Variants in SDC2 observed in about 807,000 individuals in gnomAD.
SDC2 encodes the protein syndecan-2.
A neutral mutation model predicts 22.2 loss-of-function variants in SDC2; 13 were observed. The ratio of observed to expected loss-of-function variants is 0.59; its 90% CI spans 0.38 to 0.93. SDC2 has a LOEUF of 0.93. Among genes scored for constraint, SDC2 ranks in the 40% least tolerant of loss-of-function variants. The pLI, the probability that SDC2 is intolerant of heterozygous loss-of-function variation, is 0.00. For synonymous variants in SDC2, 94 were observed against 92.8 expected, an observed-to-expected ratio of 1.01 and a Z score of -0.07; for missense variants, 235 against 246.8, an observed-to-expected ratio of 0.95 and a Z score of 0.32.
intron 1 of SDC2, chr8:96,538,660 G>A (rs1011874972): frequency 6.6e-6 from 1 of 152,224 alleles, no homozygotes; most frequent in East Asian, 1.9e-4. Flanking sequence ...AGTTTCCATG[G>A]CAACTTCTTC....
At chr8:96,534,625 C>T (rs1468697236) in intron 1 of SDC2, among the ~76,000 whole-genome samples, 1 of 151,800 alleles carries the variant, frequency 6.6e-6, no homozygotes, top group Non-Finnish European at 1.5e-5. Context: ...TTTGTAGAGA[C>T]GAGGGCTCGT....
intron 1 of SDC2, among the ~76,000 whole-genome samples, chr8:96,504,703 CAT>C (rs1294930344): frequency 2.0e-5 from 3 of 152,104 alleles, no homozygotes; most frequent in Non-Finnish European, 1.5e-5. Context: ...AATATATACG[CAT>C]ATGTTTTGTG....
intron 1 of SDC2, among the ~76,000 whole-genome samples, chr8:96,590,807 T>G (rs1586318665): frequency 6.6e-6 from 1 of 152,240 alleles, no homozygotes; most frequent in South Asian, 2.1e-4. Context: ...TTCAAAATTA[T>G]TTTCACCACC....
At chr8:96,521,570 G>C (rs547521868) in intron 1 of SDC2, among the ~76,000 whole-genome samples, 1 of 152,304 alleles carries the variant, frequency 6.6e-6, no homozygotes, top group African/African-American at 2.4e-5. Context: ...AGTGTGTGAG[G>C]TCTTTGAGCC....
intron 2 of SDC2, among the ~76,000 whole-genome samples, chr8:96,601,690 A>T (rs1437017128): frequency 6.6e-6 from 1 of 151,528 alleles, no homozygotes. Flanking sequence ...GAGAGAGGGC[A>T]AGGAACTCAC....
rs1450924489 is a variant in SDC2 at position 96,610,162 on chromosome 8, T to C, written c.*614T>C. ...CTTTATTTTTCATTACCTGTAGCTT[T>C]GGGCAGATTTGCAACAGCAAATTAA... is the stretch of plus-strand genomic sequence containing the variant. On this transcript the variant is annotated 3_prime_UTR_variant, in exon 5 of 5. Transcript: ENST00000302190. 1 of 152,662 alleles carries C rather than the reference T, an allele frequency of 6.6e-6. No individual in the cohort carries two copies. The highest frequency in any genetic ancestry group is 6.5e-5 in the Admixed American group (1 of 15,288). 9.5% of individuals were successfully genotyped at this position (152,662 alleles called of 1,614,324 possible). A position where few individuals can be genotyped will look rare whatever the true frequency, so the allele number is the denominator to read the frequency against.
In SDC2 at chr8:96,572,306, A is replaced by G. The variant is rs555051049; in HGVS notation, c.61-21174A>G. Among the ~76,000 whole-genome samples the G allele has an allele frequency of 1.6e-3, 237 of 152,320 alleles. 1 individual carries two copies. The highest frequency in any genetic ancestry group is 6.8e-3 in the Middle Eastern group (2 of 294). ...ACCTAAAATCTTTCATCTTATGGAA[A>G]GTTTTTTTGGGCTTTGAAACATCTC... On this transcript the variant is annotated intron_variant, in intron 1 of 4. Transcript: ENST00000302190.
At chr8:96,584,753 G>A (rs1053842678) in intron 1 of SDC2, among the ~76,000 whole-genome samples, 4 of 152,194 alleles carry the variant, frequency 2.6e-5, no homozygotes, top group Non-Finnish European at 5.9e-5. Context: ...TAATAACATG[G>A]CTGCAAACCT....
intron 2 of SDC2, among the ~76,000 whole-genome samples, chr8:96,595,375 A>G (rs889345544): frequency 7.9e-5 from 12 of 152,234 alleles, no homozygotes; most frequent in African/African-American, 2.9e-4. Context: ...TGAGCTTACA[A>G]TGCAGTCCTA....
chr8:96,558,491 G>A (rs2130555847), intron 1 of SDC2, among the ~76,000 whole-genome samples: 1 of 152,236 alleles, frequency 6.6e-6, no homozygotes, highest in East Asian at 1.9e-4. Context: ...ATAGTCTTAA[G>A]GTTCTCATAA....
chr8:96,512,049 T>C (rs183040041), intron 1 of SDC2, among the ~76,000 whole-genome samples: 92 of 152,336 alleles, frequency 6.0e-4, no homozygotes, highest in Non-Finnish European at 1.1e-3. Flanking sequence ...CCATCCATAC[T>C]GTCTCCCAGC....
chr8:96,524,955 G>C (rs528039225), intron 1 of SDC2, among the ~76,000 whole-genome samples: 7 of 152,264 alleles, frequency 4.6e-5, no homozygotes, highest in African/African-American at 1.4e-4. Context: ...CAGTTTGAGT[G>C]AGACAAGACT....
intron 1 of SDC2, among the ~76,000 whole-genome samples, chr8:96,537,736 G>A (rs1387726505): frequency 6.6e-6 from 1 of 152,182 alleles, no homozygotes; most frequent in Non-Finnish European, 1.5e-5. Context: ...CCATGAATAT[G>A]AAGGATAACT....
chr8:96,547,720 A>G (rs1357231256), intron 1 of SDC2, among the ~76,000 whole-genome samples: 1 of 150,888 alleles, frequency 6.6e-6, no homozygotes, highest in Non-Finnish European at 1.5e-5. Context: ...TTGACTTGGT[A>G]TGGATCCTTG....
intron 1 of SDC2, among the ~76,000 whole-genome samples, chr8:96,573,252 C>T (rs1814426775): frequency 5.4e-5 from 1 of 18,526 alleles, no homozygotes; most frequent in South Asian, 1.5e-3. Context: ...AGTTTTAGTC[C>T]AGGTGTCTGA....
chr8:96,556,942 A>G lies in SDC2; in HGVS notation c.61-36538A>G, dbSNP rs1483340136. On this transcript the variant is annotated intron_variant, in intron 1 of 4. Transcript: ENST00000302190. ...CAAATTTACAAGAAAAAAACAAACA[A>G]CCCCATCAAAAAGTGGGCGAAGGAC... Among the ~76,000 whole-genome samples the G allele has an allele frequency of 3.8e-4, 58 of 151,044 alleles. 1 individual carries two copies. The East Asian group carries it at 0.011, about 27-fold the overall frequency.
At chr8:96,589,740 T>C (rs1296564887) in intron 1 of SDC2, among the ~76,000 whole-genome samples, 1 of 151,960 alleles carries the variant, frequency 6.6e-6, no homozygotes, top group Non-Finnish European at 1.5e-5. Flanking sequence ...TCATCCTCTA[T>C]GTGGCAGGGA....
intron 1 of SDC2, among the ~76,000 whole-genome samples, chr8:96,577,877 C>A (rs1814530479): frequency 6.6e-6 from 1 of 152,144 alleles, no homozygotes; most frequent in Admixed American, 6.6e-5. Flanking sequence ...TAGCGATGTG[C>A]CTTTTAAGTT....
At chr8:96,580,495 C>T (rs953563868) in intron 1 of SDC2, 65 of 985,180 alleles carry the variant, frequency 6.6e-5, no homozygotes, top group Non-Finnish European at 7.6e-5. Context: ...TACATGTGAG[C>T]ATCATGACTA....
Sources: gnomAD v4.1 joint callset for allele counts (sites outside exome capture counted in the v4.1 genomes callset) on GRCh38, gnomAD v4.1.1 for gene constraint, MANE v1.5 for transcripts, NCBI Gene and HGNC (gene_info 2026-07-23, HGNC 2026-07-21) for gene names.